Variants in CALN1 observed in about 807,000 individuals in gnomAD.
CALN1 encodes calneuron 1, also known as calcium-binding protein 8.
Under a neutral mutation model 30.6 loss-of-function variants are expected in CALN1, and 17 were observed. The ratio of observed to expected loss-of-function variants is 0.56; its 90% CI spans 0.38 to 0.83. CALN1 has a LOEUF of 0.83. Among genes scored for constraint, CALN1 ranks in the 40% least tolerant of loss-of-function variants. The pLI is 0.00. For synonymous variants in CALN1, 156 were observed against 131.4 expected, an observed-to-expected ratio of 1.19 and a Z score of -1.28; for missense variants, 291 against 354.9, an observed-to-expected ratio of 0.82 and a Z score of 1.45.
Position 72,330,787 on chromosome 7 carries a change from AAT to A in CALN1, c.120-51979_120-51978del, listed in dbSNP as rs371235015. ...ACAGTCCCTTAATGAGGCTTTTTAA[AAT>A]AGATTGTCACCCTCTCCAATAGCCT... On this transcript the variant is annotated intron_variant, in intron 2 of 6. Coordinates refer to ENST00000395275, the MANE Select transcript of CALN1 (RefSeq NM_031468.4). Among the ~76,000 whole-genome samples the A allele has an allele frequency of 6.9e-3, 1,047 of 152,276 alleles. 14 individuals are homozygous for A. The highest frequency in any genetic ancestry group is 0.024 in the African/African-American group (1,005 of 41,558).
intron 5 of CALN1, among the ~76,000 whole-genome samples, chr7:71,840,102 A>G (rs1012322931): frequency 2.6e-5 from 4 of 152,134 alleles, no homozygotes; most frequent in African/African-American, 9.7e-5. Context: ...ATATTTTCCT[A>G]TCCTTTAAGC....
chr7:72,011,791 T>C (rs1327554084), intron 5 of CALN1, among the ~76,000 whole-genome samples: 1 of 152,146 alleles, frequency 6.6e-6, no homozygotes, highest in African/African-American at 2.4e-5. Context: ...ACCACAGGTA[T>C]GCACCACCAG....
chr7:72,266,535 T>C (rs988006239), intron 3 of CALN1, among the ~76,000 whole-genome samples: 3 of 152,212 alleles, frequency 2.0e-5, no homozygotes, highest in African/African-American at 7.2e-5. Context: ...TAAGGGGCTG[T>C]CATATTTTTT....
At chr7:71,812,935 T>C (rs117818661) in intron 5 of CALN1, among the ~76,000 whole-genome samples, 12,322 of 108,008 alleles carry the variant, frequency 0.11, 712 homozygotes, top group Non-Finnish European at 0.15. Flanking sequence ...TCATCATTAT[T>C]ATTATTATTA....
At chr7:71,907,168 A>T (rs1388012923) in intron 5 of CALN1, among the ~76,000 whole-genome samples, 2 of 152,110 alleles carry the variant, frequency 1.3e-5, no homozygotes, top group African/African-American at 4.8e-5. Flanking sequence ...GTTCCACTTC[A>T]TAAAGTATGG....
At chr7:72,283,136 G>A (rs1458859965) in intron 2 of CALN1, among the ~76,000 whole-genome samples, 4 of 152,002 alleles carry the variant, frequency 2.6e-5, no homozygotes, top group African/African-American at 9.7e-5. Context: ...TTATTAGCCA[G>A]GTAAATAAGT....
chr7:72,259,376 A>G (rs938180114), intron 3 of CALN1, among the ~76,000 whole-genome samples: 13 of 152,096 alleles, frequency 8.5e-5, no homozygotes, highest in African/African-American at 3.1e-4. Context: ...TTCAGTTCTC[A>G]TCACCATTCC....
chr7:72,211,903 T>C (rs1792424160), intron 3 of CALN1, among the ~76,000 whole-genome samples: 1 of 152,132 alleles, frequency 6.6e-6, no homozygotes, highest in Admixed American at 6.6e-5. Flanking sequence ...AGAGAGCTCT[T>C]GGCACGTTTT....
chr7:72,029,286 T>C (rs1265927241), intron 4 of CALN1, among the ~76,000 whole-genome samples: 1 of 152,026 alleles, frequency 6.6e-6, no homozygotes, highest in African/African-American at 2.4e-5. Context: ...GAATTGTTTG[T>C]ATTTTTGGTA....
chr7:72,217,266 C>G (rs1376768270), intron 3 of CALN1, among the ~76,000 whole-genome samples: 1 of 152,066 alleles, frequency 6.6e-6, no homozygotes, highest in Non-Finnish European at 1.5e-5. Flanking sequence ...CAGCCACTCC[C>G]CTGTCCTAGG....
Position 71,990,171 on chromosome 7 carries a change from G to A in CALN1, c.501+33486C>T, listed in dbSNP as rs572571264. 1.4e-4 allele frequency among the ~76,000 whole-genome samples: 22 copies of A among 152,218 alleles called. No individual in the cohort carries two copies. The South Asian group carries it at 3.5e-3, about 24-fold the overall frequency. On this transcript the variant is annotated intron_variant, in intron 5 of 6. Transcript: ENST00000395275. ...CGAAACCCACTAAAACCAAAATGGCGATGAAAGTGACCCCTGGTCGTCCTC... is the reference window on the plus strand; with the variant it reads ...CGAAACCCACTAAAACCAAAATGGCAATGAAAGTGACCCCTGGTCGTCCTC...
intron 2 of CALN1, among the ~76,000 whole-genome samples, chr7:72,355,475 G>A (rs982857443): frequency 5.3e-5 from 8 of 152,136 alleles, no homozygotes; most frequent in Non-Finnish European, 8.8e-5. Flanking sequence ...GCAGTGAGCC[G>A]GGATTACACC....
At chr7:72,139,447 C>T (rs969084851) in intron 3 of CALN1, among the ~76,000 whole-genome samples, 1 of 150,852 alleles carries the variant, frequency 6.6e-6, no homozygotes, top group Non-Finnish European at 1.5e-5. Flanking sequence ...ACCTCAGCCA[C>T]GCCCACCCTC....
At chr7:72,217,783 G>C (rs1000594947) in intron 3 of CALN1, among the ~76,000 whole-genome samples, 7 of 150,164 alleles carry the variant, frequency 4.7e-5, no homozygotes, top group East Asian at 2.0e-4. Flanking sequence ...TTCGAGATCA[G>C]CTTGGGCAAT....
At chr7:72,450,458 G>C (rs1030357379), upstream of CALN1, among the ~76,000 whole-genome samples, 1 of 152,206 alleles carries the variant, frequency 6.6e-6, no homozygotes, top group Admixed American at 6.5e-5. Flanking sequence ...CAGGTCAACA[G>C]AGGATGGCAC....
intron 3 of CALN1, among the ~76,000 whole-genome samples, chr7:72,259,830 G>T (rs7799175): frequency 0.36 from 54,391 of 151,938 alleles, 10,688 homozygotes; most frequent in Middle Eastern, 0.55. Flanking sequence ...TATGCAAAAG[G>T]GCTTCTGGTT....
intron 4 of CALN1, among the ~76,000 whole-genome samples, chr7:72,061,269 T>A (rs1015338299): frequency 6.6e-6 from 1 of 152,202 alleles, no homozygotes; most frequent in African/African-American, 2.4e-5. Context: ...CAGGAAAATT[T>A]GACCTGTATA....
At chr7:72,070,957 GAAGA>G (rs1360588166) in intron 4 of CALN1, among the ~76,000 whole-genome samples, 2 of 152,220 alleles carry the variant, frequency 1.3e-5, no homozygotes. Flanking sequence ...ACTGGATGGA[GAAGA>G]TGGCAAAGCA....
At chr7:72,182,090 C>T (rs897803376) in intron 3 of CALN1, among the ~76,000 whole-genome samples, 2 of 152,142 alleles carry the variant, frequency 1.3e-5, no homozygotes, top group African/African-American at 4.8e-5. Flanking sequence ...GGGATAATTG[C>T]AAATGACAGG....
Sources: allele counts gnomAD v4.1 joint callset (sites outside exome capture counted in the v4.1 genomes callset), GRCh38; gene constraint gnomAD v4.1.1; transcripts MANE v1.5; gene names NCBI Gene and HGNC (gene_info 2026-07-23, HGNC 2026-07-21).